The following ADGRL4 variants were observed in gnomAD, a reference collection of about 807,000 sequenced individuals.
The protein encoded by ADGRL4 is adhesion G protein-coupled receptor L4.
In ADGRL4, 90 loss-of-function variants were observed where a neutral mutation model predicts 74.8. The observed-to-expected ratio is 1.20, with a 90% CI of 1.02 to 1.43. The LOEUF (loss-of-function observed/expected upper bound fraction) is 1.43, where lower values mean the gene tolerates loss of function less well. Among genes scored for constraint, ADGRL4 ranks in the 40% most tolerant of loss-of-function variants. The pLI is 0.00. For missense variants in ADGRL4, 881 were observed against 814.3 expected, an observed-to-expected ratio of 1.08 and a Z score of -1.00; for synonymous variants, 311 against 279.2, an observed-to-expected ratio of 1.11 and a Z score of -1.14.
At chr1:78,905,001 G>C (rs1648606043) in intron 12 of ADGRL4, among the ~76,000 whole-genome samples, 1 of 151,868 alleles carries the variant, frequency 6.6e-6, no homozygotes, top group Admixed American at 6.6e-5. Context: ...TCAACAATTG[G>C]ATAATTATTG....
intron 7 of ADGRL4, among the ~76,000 whole-genome samples, chr1:78,935,158 T>C (rs11162575): frequency 0.089 from 13,487 of 152,156 alleles, 793 homozygotes; most frequent in East Asian, 0.33. Context: ...CCAACCCAAA[T>C]GCCCATCAAT....
chr1:78,986,635 A>T (rs1420496839), intron 2 of ADGRL4, among the ~76,000 whole-genome samples: 1 of 151,684 alleles, frequency 6.6e-6, no homozygotes, highest in Non-Finnish European at 1.5e-5. Context: ...TAAATATTTT[A>T]AAAATTAAAA....
chr1:79,003,269 G>T (rs1650879758), intron 2 of ADGRL4, among the ~76,000 whole-genome samples: 1 of 151,956 alleles, frequency 6.6e-6, no homozygotes, highest in South Asian at 2.1e-4. Context: ...CTAAAAAAAG[G>T]TTAAAAACCT....
At chr1:78,976,943 G>T (rs192365886) in intron 2 of ADGRL4, among the ~76,000 whole-genome samples, 351 of 151,674 alleles carry the variant, frequency 2.3e-3, no homozygotes, top group South Asian at 3.5e-3. Flanking sequence ...CATCATTAAC[G>T]CTGGTACCAA....
chr1:78,999,824 CTATCTATCTATCTAT>C (rs1250558198), intron 2 of ADGRL4, among the ~76,000 whole-genome samples: 8 of 150,124 alleles, frequency 5.3e-5, no homozygotes, highest in East Asian at 4.0e-4. Context: ...ATCTATCTAT[CTATCTATCTATCTAT>C]CTACCTACCT....
intron 2 of ADGRL4, among the ~76,000 whole-genome samples, chr1:79,003,478 A>C (rs1329550942): frequency 6.6e-6 from 1 of 151,326 alleles, no homozygotes; most frequent in African/African-American, 2.4e-5. Flanking sequence ...GTGTGAAAAG[A>C]AACTGCAGGC....
At chr1:78,994,037 A>G (rs1467747395) in intron 2 of ADGRL4, among the ~76,000 whole-genome samples, 1 of 152,216 alleles carries the variant, frequency 6.6e-6, no homozygotes, top group Admixed American at 6.5e-5. Context: ...ATTAGTGCCA[A>G]TATTTCAGCT....
intron 2 of ADGRL4, among the ~76,000 whole-genome samples, chr1:78,958,236 T>G (rs1176405502): frequency 1.3e-5 from 2 of 152,164 alleles, no homozygotes; most frequent in Admixed American, 6.6e-5. Flanking sequence ...TAACATCCAT[T>G]CTGCAGCTCA....
At chr1:78,993,827 C>T (rs774670358) in intron 2 of ADGRL4, among the ~76,000 whole-genome samples, 12 of 152,120 alleles carry the variant, frequency 7.9e-5, no homozygotes, top group Non-Finnish European at 1.6e-4. Flanking sequence ...TCCGCCTTGG[C>T]CTCCCAAAGT....
chr1:78,905,574 A>G (rs1648617790), intron 12 of ADGRL4, among the ~76,000 whole-genome samples: 1 of 152,002 alleles, frequency 6.6e-6, no homozygotes, highest in South Asian at 2.1e-4. Flanking sequence ...AAACAAACAA[A>G]TGAGTGTGGC....
chr1:78,999,117 T>C (rs181105576), intron 2 of ADGRL4, among the ~76,000 whole-genome samples: 1 of 152,294 alleles, frequency 6.6e-6, no homozygotes, highest in African/African-American at 2.4e-5. Context: ...ACTTTTAAAA[T>C]AACCAGGAGT....
At chr1:78,931,935 G>A (rs1649250793) in intron 7 of ADGRL4, among the ~76,000 whole-genome samples, 1 of 151,392 alleles carries the variant, frequency 6.6e-6, no homozygotes, top group Non-Finnish European at 1.5e-5. Context: ...AAAACAAGTT[G>A]TTAGAGACCT....
intron 2 of ADGRL4, among the ~76,000 whole-genome samples, chr1:78,969,479 A>C (rs1650125788): frequency 6.6e-6 from 1 of 152,172 alleles, no homozygotes; most frequent in South Asian, 2.1e-4. Context: ...TTGGGACCTT[A>C]AGAGACAGGA....
At chr1:78,946,234 A>C in intron 3 of ADGRL4, 40 bp downstream of exon 3, 77 of 1,537,270 alleles carry the variant, frequency 5.0e-5, no homozygotes, top group Non-Finnish European at 5.8e-5. Flanking sequence ...ACAAACAATA[A>C]GAGATATATA....
Position 78,917,895 on chromosome 1 carries a change from T to C in ADGRL4, c.1617A>G (p.Leu539=). The change falls in exon 11 of 15, where the codon CTA becomes CTG. Residue 539 remains leucine, a synonymous_variant. Coordinates refer to ENST00000370742, the MANE Select transcript of ADGRL4 (RefSeq NM_022159.4). ...AAAATCCAACTACCACGGCTGGGCT[T>C]AGATAGCCAAAGATATAAAAATTCT... The part of the protein sequence containing the change: ...LHKNFYIFGY[L]SPAVVVGFSA... The C allele has an allele frequency of 6.2e-7, 1 of 1,612,684 alleles. No homozygotes were observed. The highest frequency in any genetic ancestry group is 8.5e-7 in the Non-Finnish European group (1 of 1,179,134).
chr1:78,912,794 A>G (rs1189393678), intron 12 of ADGRL4, among the ~76,000 whole-genome samples: 2 of 151,778 alleles, frequency 1.3e-5, no homozygotes, highest in African/African-American at 2.4e-5. Context: ...GCAAATGTGA[A>G]CTAATTAAAC....
chr1:78,926,782 A>G, intron 8 of ADGRL4, 104 bp downstream of exon 8: 3 of 813,562 alleles, frequency 3.7e-6, no homozygotes, highest in Admixed American at 3.2e-5. Context: ...TCAAATCTGT[A>G]TTTTTAAACT....
intron 2 of ADGRL4, among the ~76,000 whole-genome samples, chr1:78,952,909 G>GA (rs140369601): frequency 3.3e-5 from 5 of 151,384 alleles, no homozygotes; most frequent in African/African-American, 4.9e-5. Flanking sequence ...TATAAGCCAG[G>GA]AAAAAAAACA....
intron 2 of ADGRL4, among the ~76,000 whole-genome samples, chr1:78,976,613 T>C (rs1029040447): frequency 1.3e-5 from 2 of 151,718 alleles, no homozygotes; most frequent in African/African-American, 2.4e-5. Context: ...CCTTTGATTG[T>C]GTATGGAAAA....
Sources: gnomAD v4.1 joint callset for allele counts (sites outside exome capture counted in the v4.1 genomes callset) on GRCh38, gnomAD v4.1.1 for gene constraint, MANE v1.5 for transcripts, NCBI Gene and HGNC (gene_info 2026-07-23, HGNC 2026-07-21) for gene names.